The following SLIT3 variants were observed in gnomAD, a reference collection of about 807,000 sequenced individuals.
SLIT3 encodes the protein slit guidance ligand 3.
A neutral mutation model predicts 184.0 loss-of-function variants in SLIT3; 68 were observed. The observed-to-expected ratio is 0.37, with a 90% CI of 0.30 to 0.45. The LOEUF is 0.45. Ranked by LOEUF, SLIT3 falls within the 20% of genes least tolerant of loss-of-function variation. The pLI is 1.00. For synonymous variants in SLIT3, 831 were observed against 828.6 expected (o/e 1.00, Z -0.05); for missense variants, 1,707 against 2,026.0 (o/e 0.84, Z 3.02).
At chr5:169,263,324 C>T (rs899391908) in intron 1 of SLIT3, among the ~76,000 whole-genome samples, 1 of 152,048 alleles carries the variant, frequency 6.6e-6, no homozygotes, top group Non-Finnish European at 1.5e-5. Context: ...AGTGACAGAG[C>T]AAGACCCTGT....
At chr5:169,244,657 A>T in intron 3 of SLIT3, 48 bp downstream of exon 3, 2 of 1,537,618 alleles carry the variant, frequency 1.3e-6, no homozygotes, top group Non-Finnish European at 1.8e-6. Context: ...AACAAAAAAC[A>T]CTAAATGTAA....
At chr5:169,231,423 C>T (rs754564395) in intron 3 of SLIT3, among the ~76,000 whole-genome samples, 2 of 152,114 alleles carry the variant, frequency 1.3e-5, no homozygotes, top group South Asian at 2.1e-4. Context: ...ATTAGTTTTG[C>T]CTGCTTTTGA....
chr5:169,013,617 C>CT (rs940912983), intron 4 of SLIT3, among the ~76,000 whole-genome samples: 22 of 152,332 alleles, frequency 1.4e-4, no homozygotes, highest in African/African-American at 5.3e-4. Context: ...TGCTTGACCT[C>CT]TGCCTCTTAC....
chr5:169,269,664 A>G (rs567693759), intron 1 of SLIT3, among the ~76,000 whole-genome samples: 26 of 152,344 alleles, frequency 1.7e-4, no homozygotes, highest in African/African-American at 2.6e-4. Context: ...GGGACCACCA[A>G]CCCCATTCAG....
At chr5:169,135,014 C>T (rs542804600) in intron 4 of SLIT3, among the ~76,000 whole-genome samples, 1 of 152,356 alleles carries the variant, frequency 6.6e-6, no homozygotes, top group African/African-American at 2.4e-5. Context: ...TATACATGGA[C>T]TATGTGTTGT....
At chr5:168,961,146 T>C (rs986723184) in intron 4 of SLIT3, among the ~76,000 whole-genome samples, 6 of 152,178 alleles carry the variant, frequency 3.9e-5, no homozygotes, top group African/African-American at 1.4e-4. Flanking sequence ...ACTGCTAAAA[T>C]ATCCAGTGAG....
chr5:169,091,801 T>C (rs897086020), intron 4 of SLIT3, among the ~76,000 whole-genome samples: 4 of 152,284 alleles, frequency 2.6e-5, no homozygotes, highest in East Asian at 1.9e-4. Flanking sequence ...TATCACCCAG[T>C]GCTCTGAACA....
At chr5:168,877,301 G>C (rs748010779) in intron 5 of SLIT3, among the ~76,000 whole-genome samples, 2 of 152,222 alleles carry the variant, frequency 1.3e-5, no homozygotes, top group Non-Finnish European at 2.9e-5. Context: ...GGAGCTGGCT[G>C]TGTGGAGGTC....
At chr5:168,673,761 C>G (rs1373119650) in intron 32 of SLIT3, among the ~76,000 whole-genome samples, 1 of 152,208 alleles carries the variant, frequency 6.6e-6, no homozygotes, top group Non-Finnish European at 1.5e-5. Flanking sequence ...CTGCATTGGA[C>G]CCAATACTGT....
chr5:168,885,233 C>T (rs1760148160), intron 4 of SLIT3, among the ~76,000 whole-genome samples: 1 of 152,180 alleles, frequency 6.6e-6, no homozygotes, highest in Non-Finnish European at 1.5e-5. Flanking sequence ...GGTGTGAGTA[C>T]TAGTGGCTTC....
intron 4 of SLIT3, among the ~76,000 whole-genome samples, chr5:169,140,519 G>T (rs911770027): frequency 6.7e-6 from 1 of 148,786 alleles, no homozygotes; most frequent in South Asian, 2.1e-4. Context: ...AGACGCAGGC[G>T]GTCAGGCACG....
At chr5:168,739,838 T>C (rs1763565638) in intron 20 of SLIT3, among the ~76,000 whole-genome samples, 1 of 152,340 alleles carries the variant, frequency 6.6e-6, no homozygotes, top group South Asian at 2.1e-4. Context: ...GAAGCAGATA[T>C]GAAAATTGAG....
chr5:168,837,640 C>T (rs1758096796), intron 6 of SLIT3, among the ~76,000 whole-genome samples: 1 of 152,188 alleles, frequency 6.6e-6, no homozygotes, highest in African/African-American at 2.4e-5. Flanking sequence ...AATTTCAACT[C>T]GATTTGGTTC....
intron 4 of SLIT3, among the ~76,000 whole-genome samples, chr5:169,119,013 AT>A (rs202110094): frequency 0.019 from 2,891 of 152,250 alleles, 42 homozygotes; most frequent in East Asian, 0.052. Flanking sequence ...TAAGTGTTAA[AT>A]TTTTCCCAAA....
At chr5:168,985,842 G>A (rs1023834867) in intron 4 of SLIT3, among the ~76,000 whole-genome samples, 1 of 152,142 alleles carries the variant, frequency 6.6e-6, no homozygotes, top group African/African-American at 2.4e-5. Flanking sequence ...GATGATGGCG[G>A]GGGGTAGGAA....
intron 8 of SLIT3, among the ~76,000 whole-genome samples, chr5:168,813,922 G>A (rs1757244938): frequency 1.3e-5 from 2 of 152,178 alleles, no homozygotes; most frequent in Non-Finnish European, 2.9e-5. Context: ...GGGGACTGCT[G>A]GTGATGAAGC....
At chr5:169,244,658 C>G (rs1391854916) in intron 3 of SLIT3, 47 bp downstream of exon 3, 1 of 1,543,060 alleles carries the variant, frequency 6.5e-7, no homozygotes, top group Non-Finnish European at 8.9e-7. Flanking sequence ...ACAAAAAACA[C>G]TAAATGTAAA....
intron 5 of SLIT3, among the ~76,000 whole-genome samples, chr5:168,856,766 C>CGTGT (rs372608852): frequency 0.11 from 14,823 of 132,346 alleles, 843 homozygotes; most frequent in Admixed American, 0.15. Context: ...CTGAGTTCCT[C>CGTGT]GTGTGTGTGT....
Position 168,776,076 on chromosome 5 carries a change from T to G in SLIT3, c.1152-1698A>C, listed in dbSNP as rs1035429318. Among the ~76,000 whole-genome samples the G allele has an allele frequency of 4.6e-5, 7 of 152,230 alleles. 1 individual carries two copies. The highest frequency in any genetic ancestry group is 1.0e-4 in the Non-Finnish European group (7 of 68,050). ...CAAGAATTTTACTTTCGAGGCTGGT[T>G]CAGCCCCTCCCTGGTGGGGAATGAC... is the stretch of plus-strand genomic sequence containing the variant. On this transcript the variant is annotated intron_variant, in intron 12 of 35. Coordinates refer to ENST00000519560, the MANE Select transcript of SLIT3 (RefSeq NM_003062.4).
Sources: gnomAD v4.1 joint callset for allele counts (sites outside exome capture counted in the v4.1 genomes callset) on GRCh38, gnomAD v4.1.1 for gene constraint, MANE v1.5 for transcripts, NCBI Gene and HGNC (gene_info 2026-07-23, HGNC 2026-07-21) for gene names.